The following SESTD1 variants were observed in gnomAD, a reference collection of about 807,000 sequenced individuals.
SESTD1 encodes SEC14 domain and spectrin repeat-containing protein 1.
Under a neutral mutation model 101.7 loss-of-function variants are expected in SESTD1, and 43 were observed. The ratio of observed to expected loss-of-function variants is 0.42; its 90% CI spans 0.33 to 0.55. The LOEUF is 0.55. Among genes scored for constraint, SESTD1 ranks in the 20% least tolerant of loss-of-function variants. The pLI, the probability that SESTD1 is intolerant of heterozygous loss-of-function variation, is 0.07. For missense variants in SESTD1, 647 were observed against 815.1 expected, an observed-to-expected ratio of 0.79 and a Z score of 2.51; for synonymous variants, 283 against 286.8, an observed-to-expected ratio of 0.99 and a Z score of 0.13.
At chr2:179,237,363 T>G (rs2047083600) in intron 1 of SESTD1, among the ~76,000 whole-genome samples, 1 of 152,188 alleles carries the variant, frequency 6.6e-6, no homozygotes, top group East Asian at 1.9e-4. Flanking sequence ...TCACTTTGTG[T>G]TAGTCTTTTT....
intron 10 of SESTD1, among the ~76,000 whole-genome samples, chr2:179,128,747 GAAAAA>G (rs1016074033): frequency 6.2e-5 from 8 of 129,746 alleles, no homozygotes; most frequent in Admixed American, 1.6e-4. Context: ...AAAAAGAAAA[GAAAAA>G]AAAAAAAACC....
In SESTD1 at chr2:179,251,967, G is replaced by T. The variant is rs1046661615; in HGVS notation, c.-26+12532C>A. On this transcript the variant is annotated intron_variant, in intron 1 of 17. Coordinates refer to ENST00000428443, the MANE Select transcript of SESTD1 (RefSeq NM_178123.5). ...TAGCACCCTGAATGGACTAAGACCA[G>T]ATGTAAATTATAAAATTCTCTGTCC... is the stretch of plus-strand genomic sequence containing the variant. 3.3e-5 allele frequency among the ~76,000 whole-genome samples: 5 copies of T among 152,284 alleles called. No individual in the cohort carries two copies. The East Asian group carries it at 9.6e-4, about 29-fold the overall frequency.
intron 1 of SESTD1, among the ~76,000 whole-genome samples, chr2:179,192,436 T>C (rs962073688): frequency 6.6e-6 from 1 of 152,186 alleles, no homozygotes; most frequent in Non-Finnish European, 1.5e-5. Context: ...CATTTTCTAA[T>C]ACATTGTTTC....
chr2:179,114,853 T>C (rs1308090373), intron 16 of SESTD1, among the ~76,000 whole-genome samples: 1 of 152,238 alleles, frequency 6.6e-6, no homozygotes, highest in African/African-American at 2.4e-5. Flanking sequence ...TCTGGATTTC[T>C]CCAATCATGG....
chr2:179,246,075 C>T (rs1398146473), intron 1 of SESTD1, among the ~76,000 whole-genome samples: 1 of 151,942 alleles, frequency 6.6e-6, no homozygotes, highest in East Asian at 1.9e-4. Context: ...GTCAATGTGT[C>T]GAAACCCCGT....
intron 3 of SESTD1, among the ~76,000 whole-genome samples, chr2:179,179,035 T>C (rs1023629884): frequency 2.6e-5 from 4 of 152,288 alleles, no homozygotes; most frequent in Middle Eastern, 6.8e-3. Context: ...TTTACTAAGA[T>C]GGATAATGAA....
intron 5 of SESTD1, among the ~76,000 whole-genome samples, chr2:179,155,212 G>T (rs561311223): frequency 6.6e-6 from 1 of 151,962 alleles, no homozygotes; most frequent in South Asian, 2.1e-4. Flanking sequence ...CATCGCATCC[G>T]GCCCACAACT....
intron 10 of SESTD1, among the ~76,000 whole-genome samples, chr2:179,128,823 G>A (rs998485387): frequency 8.6e-5 from 13 of 151,480 alleles, no homozygotes; most frequent in African/African-American, 2.2e-4. Context: ...GCCATTCTCC[G>A]GTCTGTCTCT....
At chr2:179,206,380 T>C (rs2046591429) in intron 1 of SESTD1, among the ~76,000 whole-genome samples, 1 of 136,342 alleles carries the variant, frequency 7.3e-6, no homozygotes, top group East Asian at 2.0e-4. Context: ...ACATCCCCAC[T>C]GGGGAACCCA....
intron 1 of SESTD1, among the ~76,000 whole-genome samples, chr2:179,210,207 A>G (rs963625419): frequency 7.4e-6 from 1 of 134,664 alleles, no homozygotes; most frequent in Non-Finnish European, 1.6e-5. Context: ...AAAAATTCCA[A>G]CGAAAGAAGT....
chr2:179,227,690 T>C (rs572739870), intron 1 of SESTD1, among the ~76,000 whole-genome samples: 1 of 152,274 alleles, frequency 6.6e-6, no homozygotes, highest in South Asian at 2.1e-4. Context: ...GTACAAAGCT[T>C]AGGTAGGAGG....
intron 3 of SESTD1, among the ~76,000 whole-genome samples, chr2:179,178,125 G>C (rs1281246307): frequency 6.6e-6 from 1 of 152,152 alleles, no homozygotes; most frequent in Non-Finnish European, 1.5e-5. Context: ...TAGCATAATG[G>C]ATGCACAACC....
At chr2:179,232,209 A>G (rs1239991354) in intron 1 of SESTD1, among the ~76,000 whole-genome samples, 1 of 151,206 alleles carries the variant, frequency 6.6e-6, no homozygotes, top group Non-Finnish European at 1.5e-5. Flanking sequence ...AAAACTAAAA[A>G]CAAAAATGGC....
At chr2:179,124,819 T>C (rs2044833143) in intron 10 of SESTD1, among the ~76,000 whole-genome samples, 1 of 152,192 alleles carries the variant, frequency 6.6e-6, no homozygotes, top group African/African-American at 2.4e-5. Context: ...AACTGATTAC[T>C]GTTTCCATGT....
intron 1 of SESTD1, among the ~76,000 whole-genome samples, chr2:179,262,223 A>G (rs1559167605): frequency 6.6e-6 from 1 of 152,208 alleles, no homozygotes; most frequent in Non-Finnish European, 1.5e-5. Context: ...AATAGTAACA[A>G]AAGCTACCAG....
intron 1 of SESTD1, among the ~76,000 whole-genome samples, chr2:179,221,932 T>C (rs2046821459): frequency 6.6e-6 from 1 of 151,864 alleles, no homozygotes. Flanking sequence ...AAAAAAAAAT[T>C]AAAAAACAAA....
intron 1 of SESTD1, among the ~76,000 whole-genome samples, chr2:179,262,861 A>G (rs937613056): frequency 2.6e-5 from 4 of 152,346 alleles, no homozygotes; most frequent in Middle Eastern, 3.4e-3. Flanking sequence ...AAACCCAAGT[A>G]GATGCAACTT....
chr2:179,239,893 T>C (rs1007326815), intron 1 of SESTD1, among the ~76,000 whole-genome samples: 2 of 152,214 alleles, frequency 1.3e-5, no homozygotes, highest in Non-Finnish European at 2.9e-5. Context: ...TTTACAATCA[T>C]TACCTTACTT....
intron 1 of SESTD1, among the ~76,000 whole-genome samples, chr2:179,262,277 C>T (rs1209011316): frequency 5.3e-5 from 8 of 152,018 alleles, no homozygotes. Flanking sequence ...GGATTAGTGC[C>T]GACATTTGCA....
Sources: gnomAD v4.1 joint callset for allele counts (sites outside exome capture counted in the v4.1 genomes callset) on GRCh38, gnomAD v4.1.1 for gene constraint, MANE v1.5 for transcripts, NCBI Gene and HGNC (gene_info 2026-07-23, HGNC 2026-07-21) for gene names.